POC1B: variants seen among roughly 807,000 people sequenced by gnomAD.
POC1B encodes the protein POC1 centriolar protein B.
POC1B carries 44 observed loss-of-function variants against 60.6 expected under a neutral mutation model. The ratio of observed to expected loss-of-function variants is 0.73; its 90% CI spans 0.57 to 0.93. The LOEUF is 0.93. Among genes scored for constraint, POC1B ranks in the 40% least tolerant of loss-of-function variants. POC1B has a pLI of 0.00. For synonymous variants in POC1B, 180 were observed against 198.9 expected (o/e 0.90, Z 0.80); for missense variants, 555 against 572.3 (o/e 0.97, Z 0.31).
At chr12:89,449,334 T>A (rs1376413030) in intron 10 of POC1B, among the ~76,000 whole-genome samples, 1 of 152,220 alleles carries the variant, frequency 6.6e-6, no homozygotes, top group African/African-American at 2.4e-5. Flanking sequence ...TGGCTATTTT[T>A]ATGGGAACCA....
rs759867958 is a variant in POC1B, at chr12:89,421,248, T to C, written c.1342A>G (p.Ile448Val). 3 of 1,593,284 alleles carry C rather than the reference T, an allele frequency of 1.9e-6. No individual in the cohort carries two copies. Among genetic ancestry groups the C allele is most frequent in the African/African-American group, 1.3e-5 (1 of 74,828 alleles). The change falls in exon 12 of 12, where the codon ATC becomes GTC. Residue 448 changes from isoleucine (I) to valine (V), a missense_variant. By Grantham distance (29) the Ile-to-Val change is conservative. Coordinates refer to ENST00000313546, the MANE Select transcript of POC1B (RefSeq NM_172240.3). ...GTCAAAGTCAGTCGCTGCTCCAAGA[T>C]TGAAACAGTCTGCAAAAAGGAGGAT... ...QLNVLTQTVS[I>V]LEQRLTLTED...
chr12:89,508,198 A>C (rs895564273), intron 2 of POC1B, among the ~76,000 whole-genome samples: 8 of 152,216 alleles, frequency 5.3e-5, no homozygotes, highest in African/African-American at 1.9e-4. Flanking sequence ...TTGCCTCTCT[A>C]TCTTGCTTCC....
chr12:89,432,595 T>C (rs1243593401), intron 10 of POC1B, among the ~76,000 whole-genome samples: 2 of 152,134 alleles, frequency 1.3e-5, no homozygotes, highest in Admixed American at 1.3e-4. Context: ...AAAGTAAATA[T>C]GTAGATATGT....
chr12:89,525,282 C>T (rs1446039277), intron 1 of POC1B, 78 bp from the exon 2 acceptor site: 2 of 1,517,300 alleles, frequency 1.3e-6, no homozygotes, highest in African/African-American at 2.8e-5. Flanking sequence ...GCTGCCACTT[C>T]CCCGGAGTCC....
chr12:89,501,198 T>C (rs1869549842), intron 2 of POC1B: 2 of 1,423,294 alleles, frequency 1.4e-6, no homozygotes, highest in East Asian at 4.5e-5. Context: ...AACATTCCCA[T>C]AAACCTCACC....
chr12:89,500,269 G>C (rs570449480), intron 2 of POC1B: 2 of 1,551,408 alleles, frequency 1.3e-6, no homozygotes, highest in African/African-American at 2.7e-5. Flanking sequence ...CAAAATCAGT[G>C]CTTAATTCAA....
intron 10 of POC1B, among the ~76,000 whole-genome samples, chr12:89,453,148 CTT>C (rs1211281985): frequency 6.6e-6 from 1 of 152,038 alleles, no homozygotes; most frequent in African/African-American, 2.4e-5. Context: ...TTTTAAATGT[CTT>C]TGACAATTTA....
chr12:89,493,653 C>T (rs182500378), intron 3 of POC1B, among the ~76,000 whole-genome samples: 3 of 152,144 alleles, frequency 2.0e-5, no homozygotes, highest in Non-Finnish European at 4.4e-5. Flanking sequence ...CTAGAGAAAA[C>T]AAAGAAAAGA....
At position 89,465,660 on chromosome 12, in the gene POC1B, G is replaced by A. The variant is rs1882656378; in HGVS notation, c.1032+1110C>T. 2.0e-5 allele frequency among the ~76,000 whole-genome samples: 3 copies of A among 151,980 alleles called. No individual in the cohort carries two copies. In the South Asian group the frequency reaches 6.2e-4, roughly 32 times the overall value. On this transcript the variant is annotated intron_variant, in intron 9 of 11. Coordinates refer to ENST00000313546, the MANE Select transcript of POC1B (RefSeq NM_172240.3). Reference sequence around the variant, plus strand: ...TTTTTCTTTTAAATAAAAGAAAAATGATAATACAATAAGTAGTACAAAGAA... The same window carrying A: ...TTTTTCTTTTAAATAAAAGAAAAATAATAATACAATAAGTAGTACAAAGAA...
Position 89,470,457 on chromosome 12 carries a change from A to G in POC1B, c.714T>C (p.Pro238=), listed in dbSNP as rs1210458052. 3 of 1,607,888 alleles carry G rather than the reference A, an allele frequency of 1.9e-6. No individual in the cohort carries two copies. The highest frequency in any genetic ancestry group is 1.7e-5 in the Admixed American group (1 of 59,966). The stretch of plus-strand genomic sequence containing the variant: ...AAGCTGTGATGAGATAGTTACCCGA[A>G]GGATGGAATGATATGCAATTAACTC... ...SGGVNCISFH[P]SGNYLITASS... The change falls in exon 7 of 12, where the codon CCT becomes CCC. Residue 238 remains proline (P), a synonymous_variant. Transcript: ENST00000313546.
At chr12:89,489,812 T>C (rs1394912313) in intron 4 of POC1B, among the ~76,000 whole-genome samples, 1 of 152,206 alleles carries the variant, frequency 6.6e-6, no homozygotes, top group Non-Finnish European at 1.5e-5. Flanking sequence ...TCCCCATGCC[T>C]AGAACATATG....
the POC1B span, among the ~76,000 whole-genome samples, chr12:89,408,249 T>TTTCCA: frequency 1.3e-5 from 2 of 152,180 alleles, no homozygotes; most frequent in African/African-American, 4.8e-5. Context: ...CTATTGTGAA[T>TTTCCA]AGTGCTGCAA....
Position 89,421,094 on chromosome 12 carries a change from G to GT in POC1B, c.*58dup. 7.7e-7 allele frequency: 1 copy of GT among 1,300,138 alleles called. No homozygotes were observed. The highest frequency in any genetic ancestry group is 1.1e-6 in the Non-Finnish European group (1 of 925,842). The allele number at this position is 1,300,138 out of a possible 1,614,324, so 80.5% of individuals were successfully genotyped here. On this transcript the variant is annotated 3_prime_UTR_variant, in exon 12 of 12. Coordinates refer to ENST00000313546, the MANE Select transcript of POC1B (RefSeq NM_172240.3). ...AGTATCTTGTACTACCTTCCTGAGT[G>GT]TATGTACATTTGTTCATTTATTGGG...
chr12:89,407,256 G>A, the POC1B span, among the ~76,000 whole-genome samples: 4 of 151,468 alleles, frequency 2.6e-5, no homozygotes, highest in Non-Finnish European at 5.9e-5. Context: ...GTGGGCGGAT[G>A]GAGTCTCATT....
intron 10 of POC1B, among the ~76,000 whole-genome samples, chr12:89,441,712 C>T (rs553792734): frequency 1.3e-5 from 2 of 152,354 alleles, no homozygotes; most frequent in East Asian, 3.9e-4. Context: ...AGTGCCTCTT[C>T]TCCTCCAAAG....
intron 2 of POC1B, among the ~76,000 whole-genome samples, chr12:89,509,540 G>A (rs1565756023): frequency 6.6e-6 from 1 of 152,102 alleles, no homozygotes; most frequent in East Asian, 1.9e-4. Flanking sequence ...AGTGAACAGA[G>A]CTAAGGAGTA....
chr12:89,523,960 C>T, intron 2 of POC1B: 2 of 1,613,766 alleles, frequency 1.2e-6, no homozygotes, highest in Non-Finnish European at 1.7e-6. Context: ...CCTAATCAAG[C>T]GTACTCTATC....
At chr12:89,402,961 C>G in the POC1B span, among the ~76,000 whole-genome samples, 2 of 151,146 alleles carry the variant, frequency 1.3e-5, no homozygotes, top group Non-Finnish European at 2.9e-5. Flanking sequence ...CTGCCTCGCA[C>G]AGTGCTGGGA....
At chr12:89,520,914 C>T (rs969955097) in intron 2 of POC1B, 4 of 151,992 alleles carry the variant, frequency 2.6e-5, no homozygotes, top group South Asian at 2.1e-4. Context: ...TTAAAAAAAG[C>T]GTTTACTTCC....
Sources: allele counts gnomAD v4.1 joint callset (sites outside exome capture counted in the v4.1 genomes callset), GRCh38; gene constraint gnomAD v4.1.1; transcripts MANE v1.5; gene names NCBI Gene and HGNC (gene_info 2026-07-23, HGNC 2026-07-21).